CDKAL1: variants seen among roughly 807,000 people sequenced by gnomAD.
The protein encoded by CDKAL1 is threonylcarbamoyladenosine tRNA methylthiotransferase.
CDKAL1 carries 32 observed loss-of-function variants against 68.2 expected under a neutral mutation model. That is an observed-to-expected ratio of 0.47 (90% CI 0.35 to 0.63). The LOEUF (loss-of-function observed/expected upper bound fraction) is 0.63, where lower values mean the gene tolerates loss of function less well. Ranked by LOEUF, CDKAL1 falls within the 30% of genes least tolerant of loss-of-function variation. The pLI is 0.00. For synonymous variants in CDKAL1, 234 were observed against 244.3 expected (o/e 0.96, Z 0.39); for missense variants, 606 against 696.7 (o/e 0.87, Z 1.47).
At chr6:21,059,150 A>C (rs1041663716) in intron 11 of CDKAL1, among the ~76,000 whole-genome samples, 4 of 152,194 alleles carry the variant, frequency 2.6e-5, no homozygotes, top group Non-Finnish European at 5.9e-5. Flanking sequence ...CTCAGTGAGG[A>C]GGAATGGATC....
At chr6:20,793,356 G>A (rs1222941447) in intron 8 of CDKAL1, among the ~76,000 whole-genome samples, 1 of 152,120 alleles carries the variant, frequency 6.6e-6, no homozygotes. Flanking sequence ...GTCAGTAGCG[G>A]CGTTGATGTT....
chr6:20,887,786 G>A lies in CDKAL1; in HGVS notation c.742+41608G>A, dbSNP rs189627685. Among the ~76,000 whole-genome samples, 104 of 148,078 alleles carry A rather than the reference G, an allele frequency of 7.0e-4. 2 individuals carry two copies. Among genetic ancestry groups the A allele is most frequent in the Admixed American group, 6.0e-3 (89 of 14,796 alleles). On this transcript the variant is annotated intron_variant, in intron 9 of 15. Transcript: ENST00000274695. ...AGATCTTTCCTTTTTTTCTTTTTTT[G>A]TAGTTGTTGTTTTAAGAGACAGGGT...
chr6:20,846,131 G>T lies in CDKAL1; in HGVS notation c.695G>T (p.Ser232Ile). 1 of 1,613,250 alleles carries T rather than the reference G, an allele frequency of 6.2e-7. No homozygotes were observed. Among genetic ancestry groups the T allele is most frequent in the South Asian group, 1.1e-5 (1 of 91,010 alleles). ...KTKHARGNLA[S>I]YPIDELVDRA... ...AAACACGCCAGAGGAAATTTGGCCAGTTATCCAATTGATGAACTAGTAGAT... is the reference window on the plus strand; with the variant it reads ...AAACACGCCAGAGGAAATTTGGCCATTTATCCAATTGATGAACTAGTAGAT... The change falls in exon 9 of 16, where the codon AGT becomes ATT. Residue 232 changes from serine to isoleucine, a missense_variant. Coordinates refer to ENST00000274695, the MANE Select transcript of CDKAL1 (RefSeq NM_017774.3).
intron 4 of CDKAL1, among the ~76,000 whole-genome samples, chr6:20,584,790 C>T (rs12153939): frequency 0.053 from 8,060 of 152,242 alleles, 231 homozygotes; most frequent in Middle Eastern, 0.078. Context: ...TTAGACCTGC[C>T]GGATGAGAAT....
At chr6:20,640,277 C>T (rs1768111565) in intron 4 of CDKAL1, among the ~76,000 whole-genome samples, 1 of 152,242 alleles carries the variant, frequency 6.6e-6, no homozygotes, top group Non-Finnish European at 1.5e-5. Flanking sequence ...ACCCTCCTTA[C>T]TTAAATCCAT....
chr6:20,657,586 G>A (rs1252273685), intron 5 of CDKAL1, among the ~76,000 whole-genome samples: 1 of 152,166 alleles, frequency 6.6e-6, no homozygotes, highest in Non-Finnish European at 1.5e-5. Context: ...AATAAAGAAA[G>A]ATGACTCTAA....
intron 5 of CDKAL1, among the ~76,000 whole-genome samples, chr6:20,688,382 A>G (rs1040561596): frequency 6.6e-6 from 1 of 151,408 alleles, no homozygotes; most frequent in Non-Finnish European, 1.5e-5. Context: ...CACCTTTTGT[A>G]ATCATCTCAT....
intron 13 of CDKAL1, among the ~76,000 whole-genome samples, chr6:21,141,393 G>C (rs886804490): frequency 3.3e-5 from 5 of 152,180 alleles, no homozygotes; most frequent in South Asian, 4.1e-4. Flanking sequence ...AAAGCACTCT[G>C]TGCTTCCCTC....
chr6:21,200,115 T>C (rs1778629408), intron 14 of CDKAL1, among the ~76,000 whole-genome samples: 1 of 152,242 alleles, frequency 6.6e-6, no homozygotes, highest in African/African-American at 2.4e-5. Flanking sequence ...TTTTGGATTC[T>C]AACTTGAAAA....
At chr6:21,164,928 C>A (rs1398104781) in intron 13 of CDKAL1, among the ~76,000 whole-genome samples, 1 of 152,204 alleles carries the variant, frequency 6.6e-6, no homozygotes, top group Non-Finnish European at 1.5e-5. Flanking sequence ...GAATCTAATT[C>A]ATCTTCATGG....
At chr6:20,928,848 A>G (rs537007750) in intron 9 of CDKAL1, among the ~76,000 whole-genome samples, 2 of 152,164 alleles carry the variant, frequency 1.3e-5, no homozygotes, top group East Asian at 1.9e-4. Flanking sequence ...GTATTCTTTT[A>G]TAAGTTAGAT....
intron 9 of CDKAL1, among the ~76,000 whole-genome samples, chr6:20,928,685 C>CTTTTTTTTTTTTTTTTTTTTTTTTT (rs55795720): frequency 8.3e-6 from 1 of 120,186 alleles, no homozygotes; most frequent in Non-Finnish European, 1.7e-5. Flanking sequence ...TTACAATATT[C>CTTTTTTTTTTTTTTTTTTTTTTTTT]TTTTTTTTTT....
rs551768398 is a variant in CDKAL1, at chr6:21,129,471, A to G, written c.1299+21008A>G. 1.8e-4 allele frequency among the ~76,000 whole-genome samples: 28 copies of G among 152,186 alleles called. No individual in the cohort carries two copies. In the South Asian group the frequency reaches 5.0e-3, roughly 27 times the overall value. The stretch of plus-strand genomic sequence containing the variant: ...CCTACTGTGAGTAGAAAAAAAGCCT[A>G]TGGTAAGAAGGCTCAAAAAGCTAAC... On this transcript the variant is annotated intron_variant, in intron 13 of 15. Coordinates refer to ENST00000274695, the MANE Select transcript of CDKAL1 (RefSeq NM_017774.3).
intron 8 of CDKAL1, among the ~76,000 whole-genome samples, chr6:20,786,494 CTTTTTTTTT>C (rs1197574844): frequency 6.2e-5 from 5 of 80,730 alleles, no homozygotes; most frequent in African/African-American, 2.5e-4. Flanking sequence ...TTTTTCTTAT[CTTTTTTTTT>C]TTTTTTTTTT....
rs751558817 is a variant in CDKAL1, at chr6:21,201,185, A to T, written c.1459A>T (p.Met487Leu). The stretch of plus-strand genomic sequence containing the variant: ...CATCTATGAATCAGGCAAACATTTT[A>T]TGAAAGGGCAGCCAGTATCTGATGC... Reference protein sequence around the residue: ...VDIYESGKHFMKGQPVSDAKV... With the variant: ...VDIYESGKHFLKGQPVSDAKV... The change falls in exon 15 of 16, where the codon ATG becomes TTG. Residue 487 changes from methionine to leucine, a missense_variant. Coordinates refer to ENST00000274695, the MANE Select transcript of CDKAL1 (RefSeq NM_017774.3). The T allele has an allele frequency of 6.2e-6, 10 of 1,613,984 alleles. No individual in the cohort carries two copies. In the South Asian group the frequency reaches 1.1e-4, roughly 18 times the overall value.
At chr6:20,932,649 G>A (rs892635866) in intron 9 of CDKAL1, among the ~76,000 whole-genome samples, 7 of 152,090 alleles carry the variant, frequency 4.6e-5, no homozygotes, top group African/African-American at 1.4e-4. Context: ...TTCTAAACTA[G>A]GATGGCGCCA....
intron 11 of CDKAL1, among the ~76,000 whole-genome samples, chr6:21,002,946 G>A (rs535484301): frequency 2.0e-5 from 3 of 151,994 alleles, no homozygotes; most frequent in East Asian, 2.0e-4. Flanking sequence ...CCAAGATTAC[G>A]CCACTGCACT....
rs1489400810 is a variant in CDKAL1 at position 20,560,774 on chromosome 6, T to A, written c.286+12069T>A. ...ATCTCAGGATTTGCAGAGACTTTGC[T>A]TTTACCTCTTCTTTCATTGTAGCTT... On this transcript the variant is annotated intron_variant, in intron 4 of 15. Coordinates refer to ENST00000274695, the MANE Select transcript of CDKAL1 (RefSeq NM_017774.3). Among the ~76,000 whole-genome samples the A allele has an allele frequency of 2.0e-5, 3 of 152,150 alleles. No homozygotes were observed. In the East Asian group the frequency reaches 5.8e-4, roughly 29 times the overall value.
chr6:20,802,294 C>G (rs1025302181), intron 8 of CDKAL1, among the ~76,000 whole-genome samples: 10 of 138,976 alleles, frequency 7.2e-5, no homozygotes, highest in African/African-American at 2.5e-4. Flanking sequence ...AAGACTCCGT[C>G]TCAAAAAACA....
Sources: allele counts gnomAD v4.1 joint callset (sites outside exome capture counted in the v4.1 genomes callset), GRCh38; gene constraint gnomAD v4.1.1; transcripts MANE v1.5; gene names NCBI Gene and HGNC (gene_info 2026-07-23, HGNC 2026-07-21).